The following ZNRF3 variants were observed in gnomAD, a reference collection of about 807,000 sequenced individuals.
ZNRF3 encodes zinc and ring finger 3.
In ZNRF3, 23 loss-of-function variants were observed where a neutral mutation model predicts 72.5. That is an observed-to-expected ratio of 0.32 (90% CI 0.23 to 0.45). The LOEUF is 0.45. Ranked by LOEUF, ZNRF3 falls within the 20% of genes least tolerant of loss-of-function variation. ZNRF3 has a pLI of 1.00. For synonymous variants in ZNRF3, 610 were observed against 545.3 expected, an observed-to-expected ratio of 1.12 and a Z score of -1.65; for missense variants, 1,169 against 1,272.1, an observed-to-expected ratio of 0.92 and a Z score of 1.23.
At chr22:28,936,969 C>A in intron 1 of ZNRF3, among the ~76,000 whole-genome samples, 1 of 151,928 alleles carries the variant, frequency 6.6e-6, no homozygotes, top group Non-Finnish European at 1.5e-5. Context: ...AAAGCCAGGG[C>A]TTGTAACTTA....
At position 28,967,054 on chromosome 22, in the gene ZNRF3, G is replaced by A. The variant is rs574488506; in HGVS notation, c.301-20022G>A. Among the ~76,000 whole-genome samples, 13 of 151,678 alleles carry A rather than the reference G, an allele frequency of 8.6e-5. No homozygotes were observed. The East Asian group carries it at 1.9e-3, about 23-fold the overall frequency. ...GTCACCACGCCCATCTAATTTTTTC[G>A]TATTTTTAGTAGAAACGGGGTTTCA... On this transcript the variant is annotated intron_variant, in intron 1 of 8. Transcript: ENST00000544604.
intron 1 of ZNRF3, among the ~76,000 whole-genome samples, chr22:28,928,654 C>T (rs1404244393): frequency 4.6e-5 from 7 of 151,836 alleles, no homozygotes; most frequent in Admixed American, 6.6e-5. Flanking sequence ...CCACCAAACC[C>T]GGCTAATTTT....
At chr22:29,001,688 G>C (rs935889183) in intron 2 of ZNRF3, among the ~76,000 whole-genome samples, 1 of 152,120 alleles carries the variant, frequency 6.6e-6, no homozygotes, top group Non-Finnish European at 1.5e-5. Flanking sequence ...GGCCAGGCTG[G>C]TCTCGAACTC....
chr22:29,032,376 A>G (rs1371881786), intron 2 of ZNRF3, among the ~76,000 whole-genome samples: 1 of 152,178 alleles, frequency 6.6e-6, no homozygotes, highest in East Asian at 1.9e-4. Context: ...GAGCACACGC[A>G]GGGGCTGGGG....
At chr22:29,051,558 C>G (rs533914277) in intron 8 of ZNRF3, among the ~76,000 whole-genome samples, 2 of 145,248 alleles carry the variant, frequency 1.4e-5, no homozygotes, top group Admixed American at 1.4e-4. Context: ...GAGCCAAGAT[C>G]AAGCTACTGC....
chr22:28,898,053 C>G (rs1232237099), intron 1 of ZNRF3, among the ~76,000 whole-genome samples: 1 of 152,116 alleles, frequency 6.6e-6, no homozygotes, highest in Non-Finnish European at 1.5e-5. Context: ...AACGATCCTC[C>G]CACCTGAGCC....
intron 1 of ZNRF3, among the ~76,000 whole-genome samples, chr22:28,976,841 A>G (rs1017983218): frequency 6.6e-6 from 1 of 152,176 alleles, no homozygotes; most frequent in Non-Finnish European, 1.5e-5. Flanking sequence ...AGTCTACTGG[A>G]TACTTAAAAA....
intron 2 of ZNRF3, among the ~76,000 whole-genome samples, chr22:29,033,805 G>T (rs936444527): frequency 3.9e-5 from 6 of 152,320 alleles, no homozygotes; most frequent in African/African-American, 1.4e-4. Context: ...GCCCAGGTTT[G>T]GGGGAAGTAA....
Position 28,987,105 on chromosome 22 carries a change from T to C in ZNRF3, c.330T>C (p.Asn110=). The change falls in exon 2 of 9, where the codon AAT becomes AAC. Residue 110 remains asparagine, a synonymous_variant. Transcript: ENST00000544604. ...ACCCACTGGGCCTATGTAATAACAATGACGAAGAGGACTTGTATGAATATG... is the reference window on the plus strand; with the variant it reads ...ACCCACTGGGCCTATGTAATAACAACGACGAAGAGGACTTGTATGAATATG... ...QMHPLGLCNN[N]DEEDLYEYGW... is the part of the protein sequence containing the mutation. The C allele has an allele frequency of 6.2e-7, 1 of 1,613,658 alleles. No homozygotes were observed. Among genetic ancestry groups the C allele is most frequent in the Non-Finnish European group, 8.5e-7 (1 of 1,179,834 alleles).
chr22:28,890,942 G>A (rs2033875353), intron 1 of ZNRF3, among the ~76,000 whole-genome samples: 1 of 151,846 alleles, frequency 6.6e-6, no homozygotes, highest in Non-Finnish European at 1.5e-5. Flanking sequence ...TTTTTTGTAG[G>A]TATAGGGTCT....
At chr22:28,906,017 C>T (rs373033224) in intron 1 of ZNRF3, among the ~76,000 whole-genome samples, 1 of 152,170 alleles carries the variant, frequency 6.6e-6, no homozygotes, top group Non-Finnish European at 1.5e-5. Flanking sequence ...GTCTGCTAAC[C>T]TCTTAGAGCT....
chr22:28,896,051 A>G (rs1046374422), intron 1 of ZNRF3, among the ~76,000 whole-genome samples: 1 of 151,928 alleles, frequency 6.6e-6, no homozygotes. Flanking sequence ...CCTGGGTTCA[A>G]GCGATTCTCC....
chr22:28,998,296 C>CAA (rs568671775), intron 2 of ZNRF3, among the ~76,000 whole-genome samples: 8 of 142,348 alleles, frequency 5.6e-5, no homozygotes, highest in South Asian at 2.2e-4. Context: ...GAGACTCCGT[C>CAA]AAAAAAAAAA....
chr22:28,939,078 A>G (rs1460247229), intron 1 of ZNRF3, among the ~76,000 whole-genome samples: 1 of 152,210 alleles, frequency 6.6e-6, no homozygotes, highest in East Asian at 1.9e-4. Flanking sequence ...TGAGGCCAGG[A>G]GTTTGAGACC....
intron 1 of ZNRF3, among the ~76,000 whole-genome samples, chr22:28,912,853 A>G (rs1267180900): frequency 6.6e-6 from 1 of 151,916 alleles, no homozygotes; most frequent in Non-Finnish European, 1.5e-5. Context: ...TTTAGTAGAG[A>G]TGGGGTGTCA....
chr22:29,007,548 A>AAG (rs2036276381), intron 2 of ZNRF3, among the ~76,000 whole-genome samples: 1 of 151,946 alleles, frequency 6.6e-6, no homozygotes, highest in Non-Finnish European at 1.5e-5. Context: ...AGGCTGAGAC[A>AAG]AGAGGATCGT....
Position 28,987,310 on chromosome 22 carries a change from T to C in ZNRF3, c.426+109T>C. 2.0e-6 allele frequency: 3 copies of C among 1,485,608 alleles called. No homozygotes were observed. The South Asian group carries it at 4.2e-5, about 21-fold the overall frequency. 92.0% of individuals were successfully genotyped at this position (1,485,608 alleles called of 1,614,324 possible). A position where few individuals can be genotyped will look rare whatever the true frequency, so the allele number is the denominator to read the frequency against. ...ATGGAGAAGAGCCATGCTGGCACAG[T>C]GCTCCTTCCCGGCTGAAGTTGCATG... On this transcript the variant is annotated intron_variant, in intron 2 of 8. Transcript: ENST00000544604.
intron 2 of ZNRF3, among the ~76,000 whole-genome samples, chr22:29,010,723 G>A (rs1233055831): frequency 6.6e-6 from 1 of 152,158 alleles, no homozygotes; most frequent in Non-Finnish European, 1.5e-5. Flanking sequence ...AGGCTGGAGT[G>A]CAATGCTACC....
At chr22:28,978,256 T>C (rs1459856358) in intron 1 of ZNRF3, among the ~76,000 whole-genome samples, 6 of 152,234 alleles carry the variant, frequency 3.9e-5, no homozygotes, top group African/African-American at 1.4e-4. Flanking sequence ...GGGAGAAAAT[T>C]GGAGCTTCTC....
Sources: allele counts gnomAD v4.1 joint callset (sites outside exome capture counted in the v4.1 genomes callset), GRCh38; gene constraint gnomAD v4.1.1; transcripts MANE v1.5; gene names NCBI Gene and HGNC (gene_info 2026-07-23, HGNC 2026-07-21).